Variants in OCLN observed in about 807,000 individuals in gnomAD.
OCLN encodes occludin, also known as phosphatase 1, regulatory subunit 115.
Under a neutral mutation model 47.9 loss-of-function variants are expected in OCLN, and 21 were observed. The observed-to-expected ratio is 0.44, with a 90% CI of 0.31 to 0.63. The LOEUF is 0.63. Among genes scored for constraint, OCLN ranks in the 30% least tolerant of loss-of-function variants. The pLI is 0.08. For synonymous variants in OCLN, 117 were observed against 198.4 expected (o/e 0.59, Z 3.45); for missense variants, 360 against 571.0 (o/e 0.63, Z 3.77).
chr5:69,513,123 A>T (rs1279931899), intron 3 of OCLN, among the ~76,000 whole-genome samples: 50 of 152,038 alleles, frequency 3.3e-4, no homozygotes, highest in Admixed American at 3.3e-3. Flanking sequence ...CTTACTACTT[A>T]CTCTTTGAAA....
chr5:69,498,049 G>A (rs551540618), intron 1 of OCLN, among the ~76,000 whole-genome samples: 16 of 151,284 alleles, frequency 1.1e-4, no homozygotes, highest in Middle Eastern at 3.4e-3. Flanking sequence ...GGAGAATGGC[G>A]TGAACCCGGG....
intron 7 of OCLN, among the ~76,000 whole-genome samples, chr5:69,548,759 G>A (rs1252856481): frequency 1.3e-5 from 2 of 150,906 alleles, no homozygotes. Flanking sequence ...AGGAGTTAGA[G>A]AATAGCGTGC....
intron 4 of OCLN, among the ~76,000 whole-genome samples, chr5:69,532,597 A>G (rs1350211030): frequency 6.6e-6 from 1 of 151,988 alleles, no homozygotes; most frequent in Non-Finnish European, 1.5e-5. Context: ...TTTTTTCTCA[A>G]TTACAGAGTG....
intron 4 of OCLN, among the ~76,000 whole-genome samples, chr5:69,524,989 C>T (rs762977739): frequency 1.3e-5 from 2 of 152,146 alleles, no homozygotes; most frequent in Non-Finnish European, 2.9e-5. Flanking sequence ...CCGTGAATCC[C>T]GCCTGGCCCC....
intron 4 of OCLN, 50 bp downstream of exon 4, chr5:69,514,159 T>G: frequency 2.8e-5 from 40 of 1,451,344 alleles, no homozygotes; most frequent in Non-Finnish European, 3.7e-5. Flanking sequence ...CCCAAATTTG[T>G]GTCTGAATTT....
chr5:69,502,063 G>A (rs1768473160), intron 1 of OCLN, among the ~76,000 whole-genome samples: 2 of 152,112 alleles, frequency 1.3e-5, no homozygotes, highest in South Asian at 4.1e-4. Flanking sequence ...GCCGGGCGTG[G>A]CAGCGTGCGC....
intron 4 of OCLN, among the ~76,000 whole-genome samples, chr5:69,525,206 G>A (rs937751991): frequency 5.3e-5 from 8 of 151,808 alleles, no homozygotes; most frequent in East Asian, 3.9e-4. Context: ...CCGGGTTGAC[G>A]CCATTCTCCT....
chr5:69,497,479 C>T (rs1580540611), intron 1 of OCLN, among the ~76,000 whole-genome samples: 1 of 151,288 alleles, frequency 6.6e-6, no homozygotes, highest in African/African-American at 2.4e-5. Flanking sequence ...CCTCTGCCTC[C>T]TGGGTTCAAG....
chr5:69,549,684 G>A (rs1160127790), intron 7 of OCLN, among the ~76,000 whole-genome samples: 2 of 147,852 alleles, frequency 1.4e-5, no homozygotes, highest in African/African-American at 4.9e-5. Context: ...TGAAATTAAT[G>A]TAGTTACACC....
chr5:69,504,791 T>C (rs1156835166), intron 2 of OCLN, among the ~76,000 whole-genome samples: 1 of 151,824 alleles, frequency 6.6e-6, no homozygotes, highest in Non-Finnish European at 1.5e-5. Flanking sequence ...AAAAATTAGC[T>C]GGCTGTGGTG....
intron 4 of OCLN, among the ~76,000 whole-genome samples, chr5:69,531,494 A>G (rs1769430731): frequency 6.6e-6 from 1 of 152,264 alleles, no homozygotes; most frequent in East Asian, 1.9e-4. Context: ...GGATTTTTAA[A>G]TTCTGATAAG....
intron 5 of OCLN, among the ~76,000 whole-genome samples, chr5:69,535,852 C>T (rs184083540): frequency 0.035 from 5,304 of 152,190 alleles, 103 homozygotes; most frequent in Middle Eastern, 0.082. Flanking sequence ...TTGGCGGGGG[C>T]GGTGGCTCAC....
upstream of OCLN, chr5:69,492,650 G>A (rs1243683976): frequency 2.0e-5 from 3 of 152,632 alleles, no homozygotes; most frequent in Admixed American, 1.3e-4. Flanking sequence ...GCCGGTCTAG[G>A]ACGCAGCAGG....
At position 69,528,926 on chromosome 5, in the gene OCLN, C is replaced by T. The variant is rs547782723; in HGVS notation, c.892-5768C>T. On this transcript the variant is annotated intron_variant, in intron 4 of 8. Transcript: ENST00000396442. Reference sequence around the variant, plus strand: ...GTGTGAACTAGGGATGAAATTAGGGCGAGGAGAAAAATGAGGATTAGCTAT... The same window carrying T: ...GTGTGAACTAGGGATGAAATTAGGGTGAGGAGAAAAATGAGGATTAGCTAT... Among the ~76,000 whole-genome samples the T allele has an allele frequency of 5.3e-5, 8 of 152,074 alleles. No homozygotes were observed. The East Asian group carries it at 5.8e-4, about 11-fold the overall frequency.
chr5:69,513,870 T>A (rs1768851331), intron 3 of OCLN, 78 bp from the exon 4 acceptor site: 1 of 1,250,068 alleles, frequency 8.0e-7, no homozygotes, highest in Non-Finnish European at 1.2e-6. Flanking sequence ...TAGATAAGGG[T>A]TTTAATAATA....
At chr5:69,547,029 CT>C (rs1346190044) in intron 6 of OCLN, among the ~76,000 whole-genome samples, 1 of 147,960 alleles carries the variant, frequency 6.8e-6, no homozygotes, top group Non-Finnish European at 1.5e-5. Flanking sequence ...AGTTTTTCTT[CT>C]TTATACTTTA....
chr5:69,509,045 A>G, intron 2 of OCLN, 96 bp from the exon 3 acceptor site: 1 of 1,087,772 alleles, frequency 9.2e-7, no homozygotes, highest in Non-Finnish European at 1.4e-6. Context: ...CTTTAGTTTC[A>G]TTTACCCAAT....
At position 69,533,037 on chromosome 5, in the gene OCLN, A is replaced by G. The variant is rs571044105; in HGVS notation, c.892-1657A>G. 1.7e-4 allele frequency among the ~76,000 whole-genome samples: 24 copies of G among 144,488 alleles called. No homozygotes were observed. The East Asian group carries it at 3.2e-3, about 19-fold the overall frequency. 94.8% of individuals were successfully genotyped at this position (144,488 alleles called of 152,430 possible). On this transcript the variant is annotated intron_variant, in intron 4 of 8. Transcript: ENST00000396442. ...TGTGTGTGTGTGTATACACACACACATGTATATATACACATATATACATAT... is the reference window on the plus strand; with the variant it reads ...TGTGTGTGTGTGTATACACACACACGTGTATATATACACATATATACATAT...
intron 1 of OCLN, 36 bp from the exon 2 acceptor site, chr5:69,504,141 T>C (rs1447236368): frequency 2.5e-6 from 2 of 806,528 alleles, no homozygotes; most frequent in African/African-American, 1.7e-5. Context: ...ACTGTGAGCT[T>C]AGTAGTAATG....
Sources: gnomAD v4.1 joint callset for allele counts (sites outside exome capture counted in the v4.1 genomes callset) on GRCh38, gnomAD v4.1.1 for gene constraint, MANE v1.5 for transcripts, NCBI Gene and HGNC (gene_info 2026-07-23, HGNC 2026-07-21) for gene names.